Variants in DOCK4 observed in about 807,000 individuals in gnomAD.
DOCK4 encodes dedicator of cytokinesis 4.
In DOCK4, 97 loss-of-function variants were observed where a neutral mutation model predicts 268.1. The ratio of observed to expected loss-of-function variants is 0.36; its 90% CI spans 0.31 to 0.43. The LOEUF is 0.43. Among genes scored for constraint, DOCK4 ranks in the 20% least tolerant of loss-of-function variants. The pLI is 1.00. For synonymous variants in DOCK4, 954 were observed against 887.2 expected (o/e 1.08, Z -1.34); for missense variants, 2,145 against 2,455.7 (o/e 0.87, Z 2.67).
chr7:112,168,764 C>T (rs758093172), intron 1 of DOCK4, among the ~76,000 whole-genome samples: 8 of 152,068 alleles, frequency 5.3e-5, no homozygotes, highest in Non-Finnish European at 1.2e-4. Context: ...GAACGCTGAC[C>T]ATGGCTGATG....
intron 20 of DOCK4, among the ~76,000 whole-genome samples, chr7:111,870,323 C>CTTTTTTTTTT (rs796444724): frequency 2.3e-5 from 3 of 131,356 alleles, no homozygotes; most frequent in Non-Finnish European, 4.9e-5. Flanking sequence ...TTTTTCTTTT[C>CTTTTTTTTTT]TTTTTTTTTT....
chr7:112,013,953 C>G (rs1259022605), intron 1 of DOCK4, among the ~76,000 whole-genome samples: 1 of 152,116 alleles, frequency 6.6e-6, no homozygotes, highest in Non-Finnish European at 1.5e-5. Context: ...TTCCCAATAC[C>G]CGGCACAATG....
At chr7:112,189,080 T>C (rs1819701620) in intron 1 of DOCK4, among the ~76,000 whole-genome samples, 2 of 152,216 alleles carry the variant, frequency 1.3e-5, no homozygotes, top group South Asian at 4.1e-4. Context: ...CCTATTCTAA[T>C]GAAAACAAAA....
intron 23 of DOCK4, among the ~76,000 whole-genome samples, chr7:111,855,156 C>T (rs1353969602): frequency 1.3e-5 from 2 of 152,058 alleles, no homozygotes; most frequent in Non-Finnish European, 2.9e-5. Context: ...CTGGAGAGTG[C>T]CCCCCAATAA....
At chr7:111,829,669 G>A in intron 26 of DOCK4, among the ~76,000 whole-genome samples, 1 of 152,246 alleles carries the variant, frequency 6.6e-6, no homozygotes, top group South Asian at 2.1e-4. Context: ...AATAATGGGG[G>A]CCTACTTCAT....
intron 1 of DOCK4, among the ~76,000 whole-genome samples, chr7:112,198,861 T>G (rs775743965): frequency 6.6e-6 from 1 of 152,236 alleles, no homozygotes; most frequent in Non-Finnish European, 1.5e-5. Flanking sequence ...AATAGTGTTG[T>G]TTATGAAAAT....
At chr7:112,152,781 C>T (rs992009698) in intron 1 of DOCK4, among the ~76,000 whole-genome samples, 2 of 151,998 alleles carry the variant, frequency 1.3e-5, no homozygotes, top group Non-Finnish European at 2.9e-5. Context: ...CCACTGCATC[C>T]AGCCTAAAGT....
At chr7:112,117,388 C>A (rs1211238375) in intron 1 of DOCK4, among the ~76,000 whole-genome samples, 1 of 151,996 alleles carries the variant, frequency 6.6e-6, no homozygotes, top group Admixed American at 6.5e-5. Context: ...TTTTTTGAGA[C>A]GGAGTTTCAC....
chr7:111,735,118 G>A lies in DOCK4; in HGVS notation c.5355C>T (p.Ala1785=). 6.2e-7 allele frequency: 1 copy of A among 1,601,330 alleles called. No homozygotes were observed. The highest frequency in any genetic ancestry group is 1.1e-5 in the South Asian group (1 of 88,150). Residue 1785 remains alanine, a synonymous_variant, in exon 51 of 53, where the codon GCC becomes GCT. Coordinates refer to ENST00000428084, the MANE Select transcript of DOCK4 (RefSeq NM_001363540.2). ...SSWSLDSGKE[A]KNMSDSGKLI... ...GTTTCCCACTATCCGACATGTTCTT[G>A]GCTTCCTTCCCACTGTCCAGGCTCC...
At chr7:111,928,983 T>C (rs1191707116) in intron 12 of DOCK4, among the ~76,000 whole-genome samples, 1 of 152,206 alleles carries the variant, frequency 6.6e-6, no homozygotes, top group African/African-American at 2.4e-5. Flanking sequence ...ATGTTAACAT[T>C]CTGATTTAGA....
In DOCK4 at chr7:111,818,747, C is replaced by T. The variant is rs1307516190; in HGVS notation, c.2930+3615G>A. Among the ~76,000 whole-genome samples the T allele has an allele frequency of 3.3e-5, 5 of 152,350 alleles. No individual in the cohort carries two copies. In the East Asian group the frequency reaches 9.7e-4, roughly 29 times the overall value. On this transcript the variant is annotated intron_variant, in intron 27 of 52. Coordinates refer to ENST00000428084, the MANE Select transcript of DOCK4 (RefSeq NM_001363540.2). ...CTTCCCTCCCCACATTTCAGCCACA[C>T]TAACAGTCTTTCAGTTCCTTGAGTG...
intron 1 of DOCK4, among the ~76,000 whole-genome samples, chr7:112,128,007 C>T (rs1813398859): frequency 6.6e-6 from 1 of 152,172 alleles, no homozygotes; most frequent in South Asian, 2.1e-4. Flanking sequence ...CCAGCCTGGG[C>T]AACAGAGCGA....
chr7:112,045,010 C>A (rs568777284), intron 1 of DOCK4, among the ~76,000 whole-genome samples: 1 of 152,272 alleles, frequency 6.6e-6, no homozygotes, highest in South Asian at 2.1e-4. Flanking sequence ...GATTCTCACT[C>A]AGAATGAAAA....
At position 111,902,289 on chromosome 7, in the gene DOCK4, C is replaced by A. The variant is rs553422059; in HGVS notation, c.1193-488G>T. On this transcript the variant is annotated intron_variant, in intron 13 of 52. Transcript: ENST00000428084. The stretch of plus-strand genomic sequence containing the variant: ...ATTCATGGACAAAATGATCTCACTG[C>A]TGGAAGAATCCAGATTAGCATTTTA... Among the ~76,000 whole-genome samples the A allele has an allele frequency of 4.6e-5, 7 of 152,292 alleles. No homozygotes were observed. The East Asian group carries it at 1.3e-3, about 29-fold the overall frequency.
chr7:111,731,526 C>A (rs772127590), intron 52 of DOCK4, among the ~76,000 whole-genome samples: 11 of 94,000 alleles, frequency 1.2e-4, no homozygotes, highest in Non-Finnish European at 2.3e-4. Flanking sequence ...TCCTTGAAGC[C>A]GGTCTGATTC....
intron 33 of DOCK4, 58 bp downstream of exon 33, chr7:111,784,039 T>C: frequency 6.3e-7 from 1 of 1,574,932 alleles, no homozygotes; most frequent in Non-Finnish European, 8.6e-7. Context: ...GTACCTTAAA[T>C]GCCTTAGCAA....
chr7:111,761,012 G>T (rs1797368329), intron 39 of DOCK4, among the ~76,000 whole-genome samples: 1 of 151,624 alleles, frequency 6.6e-6, no homozygotes, highest in Admixed American at 6.6e-5. Context: ...GAGGTAGTCA[G>T]TGCCCCCTAC....
chr7:111,993,928 T>C (rs1799726205), intron 5 of DOCK4, among the ~76,000 whole-genome samples: 2 of 152,354 alleles, frequency 1.3e-5, no homozygotes, highest in South Asian at 4.1e-4. Flanking sequence ...TAATCTTTTA[T>C]ATTCCTGTGG....
chr7:112,146,174 T>C (rs1413046842), intron 1 of DOCK4, among the ~76,000 whole-genome samples: 1 of 152,202 alleles, frequency 6.6e-6, no homozygotes, highest in Admixed American at 6.5e-5. Context: ...CTTTGAAAAG[T>C]GGCTGGGTCT....
Sources: allele counts gnomAD v4.1 joint callset (sites outside exome capture counted in the v4.1 genomes callset), GRCh38; gene constraint gnomAD v4.1.1; transcripts MANE v1.5; gene names NCBI Gene and HGNC (gene_info 2026-07-23, HGNC 2026-07-21).